The following ARHGEF26 variants were observed in gnomAD, a reference collection of about 807,000 sequenced individuals.
ARHGEF26 encodes the protein Rho guanine nucleotide exchange factor (GEF) 26.
ARHGEF26 carries 59 observed loss-of-function variants against 89.4 expected under a neutral mutation model. The observed-to-expected ratio is 0.66, with a 90% CI of 0.54 to 0.82. The LOEUF (loss-of-function observed/expected upper bound fraction) is 0.82. ARHGEF26 is among the 40% of genes least tolerant of loss of function. ARHGEF26 has a pLI of 0.00. For missense variants in ARHGEF26, 1,234 were observed against 1,085.6 expected, an observed-to-expected ratio of 1.14 and a Z score of -1.92; for synonymous variants, 500 against 428.4, an observed-to-expected ratio of 1.17 and a Z score of -2.06.
At chr3:154,226,646 G>C (rs1337494159) in intron 11 of ARHGEF26, among the ~76,000 whole-genome samples, 2 of 129,620 alleles carry the variant, frequency 1.5e-5, no homozygotes, top group Non-Finnish European at 3.2e-5. Flanking sequence ...TCTTCTGTCA[G>C]ACTGTTTCTG....
intron 4 of ARHGEF26, among the ~76,000 whole-genome samples, chr3:154,137,807 A>G (rs1486390117): frequency 3.3e-5 from 2 of 60,574 alleles, no homozygotes; most frequent in Non-Finnish European, 6.0e-5. Flanking sequence ...TGAGACCCCT[A>G]TCTCTTAAAA....
chr3:154,255,223 TAGCACTTAGCCTG>T (rs1178091583), intron 14 of ARHGEF26, 95 bp from the exon 15 acceptor site: 7 of 1,163,622 alleles, frequency 6.0e-6, no homozygotes, highest in African/African-American at 1.5e-5. Flanking sequence ...CTTCTCACCG[TAGCACTTAGCCTG>T]GGGAGGGATG....
At chr3:154,186,165 A>ACACACACACACACACC (rs766757043) in intron 6 of ARHGEF26, among the ~76,000 whole-genome samples, 5 of 150,138 alleles carry the variant, frequency 3.3e-5, no homozygotes, top group Admixed American at 6.7e-5. Context: ...ACACACACAC[A>ACACACACACACACACC]CCCCTATACA....
intron 9 of ARHGEF26, among the ~76,000 whole-genome samples, chr3:154,203,863 T>G (rs1026653921): frequency 6.6e-6 from 1 of 151,784 alleles, no homozygotes; most frequent in Admixed American, 6.6e-5. Context: ...TTTTTTTTTT[T>G]GATAATCTTT....
Position 154,122,988 on chromosome 3 carries a change from C to T in ARHGEF26, c.996C>T (p.Ser332=), listed in dbSNP as rs755952944. 1.9e-6 allele frequency: 3 copies of T among 1,613,844 alleles called. No homozygotes were observed. The highest frequency in any genetic ancestry group is 3.3e-5 in the Admixed American group (2 of 60,000). The change falls in exon 2 of 15, where the codon AGC becomes AGT. Residue 332 remains serine (S), a synonymous_variant. Coordinates refer to ENST00000465093, the MANE Select transcript of ARHGEF26 (RefSeq NM_015595.4). ...GCTTTGATTTTGACAGTCCTACCAGCTCGAAGAAGAAGAACAGAATGTCCC... is the reference window on the plus strand; with the variant it reads ...GCTTTGATTTTGACAGTCCTACCAGTTCGAAGAAGAAGAACAGAATGTCCC... ...VSGFDFDSPT[S]SKKKNRMSQP...
chr3:154,122,355 T>C lies in ARHGEF26; in HGVS notation c.363T>C (p.Pro121=), dbSNP rs1331946946. The change falls in exon 2 of 15, where the codon CCT becomes CCC. Residue 121 remains proline, a synonymous_variant. Coordinates refer to ENST00000465093, the MANE Select transcript of ARHGEF26 (RefSeq NM_015595.4). Reference sequence around the variant, plus strand: ...CACCCAAGCTCCCCAAAGCGGTGCCTGGCGGCTCCCCGAAATCCCCAGCAA... The same window carrying C: ...CACCCAAGCTCCCCAAAGCGGTGCCCGGCGGCTCCCCGAAATCCCCAGCAA... ...PKSPKLPKAV[P]GGSPKSPANG... is the part of the protein sequence containing the mutation. 1 of 1,612,452 alleles carries C rather than the reference T, an allele frequency of 6.2e-7. No individual in the cohort carries two copies. The highest frequency in any genetic ancestry group is 1.3e-5 in the African/African-American group (1 of 74,906).
In ARHGEF26 at chr3:154,173,587, T is replaced by C. The variant is rs180793594; in HGVS notation, c.1488-14098T>C. Among the ~76,000 whole-genome samples, 463 of 152,338 alleles carry C rather than the reference T, an allele frequency of 3.0e-3. 5 individuals are homozygous for C. Among genetic ancestry groups the C allele is most frequent in the Non-Finnish European group, 3.5e-3 (238 of 68,038 alleles). ...GCAGCAATTAATTCGTTCTTTAATG[T>C]TTAATGTTTTATAGGTTAATGAAAG... On this transcript the variant is annotated intron_variant, in intron 6 of 14. Coordinates refer to ENST00000465093, the MANE Select transcript of ARHGEF26 (RefSeq NM_015595.4).
chr3:154,175,856 A>G (rs892892605), intron 6 of ARHGEF26, among the ~76,000 whole-genome samples: 2 of 152,238 alleles, frequency 1.3e-5, no homozygotes, highest in African/African-American at 4.8e-5. Flanking sequence ...AAATGGTACT[A>G]ATGTTTAATG....
At chr3:154,144,774 T>C (rs573897862) in intron 4 of ARHGEF26, among the ~76,000 whole-genome samples, 1 of 152,280 alleles carries the variant, frequency 6.6e-6, no homozygotes, top group South Asian at 2.1e-4. Flanking sequence ...TGCTATTTCT[T>C]GAGATTCAAA....
intron 10 of ARHGEF26, among the ~76,000 whole-genome samples, chr3:154,225,627 T>C (rs1716434900): frequency 6.6e-6 from 1 of 152,184 alleles, no homozygotes; most frequent in Non-Finnish European, 1.5e-5. Context: ...TAGTTTCATA[T>C]TGGGAAGTTA....
At chr3:154,149,980 A>G (rs1172205324) in intron 5 of ARHGEF26, among the ~76,000 whole-genome samples, 3 of 151,898 alleles carry the variant, frequency 2.0e-5, no homozygotes, top group South Asian at 2.1e-4. Context: ...GTTTAAATCA[A>G]TGCAATTTGA....
intron 10 of ARHGEF26, among the ~76,000 whole-genome samples, chr3:154,224,729 A>G (rs1249730973): frequency 6.6e-6 from 1 of 152,164 alleles, no homozygotes; most frequent in African/African-American, 2.4e-5. Flanking sequence ...CTCCCTTAGC[A>G]GCCAGTTTTG....
intron 6 of ARHGEF26, among the ~76,000 whole-genome samples, chr3:154,183,612 T>C (rs1424090911): frequency 6.6e-6 from 1 of 152,238 alleles, no homozygotes; most frequent in African/African-American, 2.4e-5. Context: ...TAGTAAAGTA[T>C]GCAAATTTTC....
At chr3:154,215,022 A>G (rs1576788817) in intron 9 of ARHGEF26, among the ~76,000 whole-genome samples, 1 of 152,212 alleles carries the variant, frequency 6.6e-6, no homozygotes, top group African/African-American at 2.4e-5. Context: ...GAAAGTCCAT[A>G]TAATTATTAT....
intron 12 of ARHGEF26, among the ~76,000 whole-genome samples, chr3:154,243,664 A>G (rs1273750928): frequency 1.3e-5 from 2 of 152,164 alleles, no homozygotes; most frequent in Non-Finnish European, 2.9e-5. Context: ...ATTAATAGCA[A>G]GAGAACATTC....
chr3:154,158,005 C>T (rs1380241499), intron 6 of ARHGEF26, among the ~76,000 whole-genome samples: 1 of 152,038 alleles, frequency 6.6e-6, no homozygotes, highest in African/African-American at 2.4e-5. Flanking sequence ...GTATTTACCC[C>T]CTAAGGATAC....
intron 12 of ARHGEF26, among the ~76,000 whole-genome samples, chr3:154,250,182 A>G (rs1380648617): frequency 1.3e-5 from 2 of 152,114 alleles, no homozygotes; most frequent in Non-Finnish European, 1.5e-5. Context: ...GGCGTGCACC[A>G]CCACGCCCAG....
At chr3:154,181,046 C>T (rs550160557) in intron 6 of ARHGEF26, among the ~76,000 whole-genome samples, 30 of 152,222 alleles carry the variant, frequency 2.0e-4, no homozygotes, top group Admixed American at 4.6e-4. Context: ...GGGTTAGTGG[C>T]GGTGCGCTTG....
chr3:154,257,564 G>C lies in ARHGEF26; in HGVS notation c.*2091G>C, dbSNP rs1227724781. On this transcript the variant is annotated 3_prime_UTR_variant, in exon 15 of 15. Coordinates refer to ENST00000465093, the MANE Select transcript of ARHGEF26 (RefSeq NM_015595.4). ...AGCTTTGGAAATACATGCATCTTAT[G>C]AATCATAGCCTTATTTAGCAAGATC... is the stretch of plus-strand genomic sequence containing the variant. The C allele has an allele frequency of 6.6e-6, 1 of 152,170 alleles. No homozygotes were observed. The highest frequency in any genetic ancestry group is 1.5e-5 in the Non-Finnish European group (1 of 68,034). The allele number at this position is 152,170 out of a possible 1,614,324, so 9.4% of individuals were successfully genotyped here. A position where few individuals can be genotyped will look rare whatever the true frequency, so the allele number is the denominator to read the frequency against.
Sources: gnomAD v4.1 joint callset for allele counts (sites outside exome capture counted in the v4.1 genomes callset) on GRCh38, gnomAD v4.1.1 for gene constraint, MANE v1.5 for transcripts, NCBI Gene and HGNC (gene_info 2026-07-23, HGNC 2026-07-21) for gene names.